GPR61: variants seen among roughly 807,000 people sequenced by gnomAD.
GPR61 encodes G-protein coupled receptor 61.
In GPR61, 15 loss-of-function variants were observed where a neutral mutation model predicts 29.2. The ratio of observed to expected loss-of-function variants is 0.51; its 90% confidence interval spans 0.34 to 0.79. The LOEUF is 0.79. Among genes scored for constraint, GPR61 ranks in the 30% least tolerant of loss-of-function variants. GPR61 has a pLI of 0.01. For synonymous variants in GPR61, 238 were observed against 242.3 expected (o/e 0.98, Z 0.17); for missense variants, 399 against 582.5 (o/e 0.69, Z 3.24).
rs1647740928 is a variant in GPR61 at position 109,544,488 on chromosome 1, T to C, written c.*110T>C. ...TGGCTAGGGCTGAGGCTGGGGTCTCTGCACACAGCTTTTGCTTAGTGTTTC... is the reference window on the plus strand; with the variant it reads ...TGGCTAGGGCTGAGGCTGGGGTCTCCGCACACAGCTTTTGCTTAGTGTTTC... On this transcript the variant is annotated 3_prime_UTR_variant, in exon 2 of 2. Coordinates refer to ENST00000527748, the MANE Select transcript of GPR61 (RefSeq NM_001393907.1). The surrounding 1 kb of genome is among the most constrained non-coding windows in gnomAD (Gnocchi z 4.6). 4 of 756,186 alleles carry C rather than the reference T, an allele frequency of 5.3e-6. No homozygotes were observed. Among genetic ancestry groups the C allele is most frequent in the South Asian group, 1.8e-5 (1 of 55,552 alleles). The allele number at this position is 756,186 out of a possible 1,614,324, so 46.8% of individuals were successfully genotyped here.
chr1:109,540,635 T>G (rs897124543), intron 1 of GPR61, among the ~76,000 whole-genome samples: 8 of 151,632 alleles, frequency 5.3e-5, no homozygotes, highest in African/African-American at 1.9e-4. Flanking sequence ...GTTGGGGGAG[T>G]AGGCATAATG....
rs1305887711 is a variant in GPR61 at position 109,543,976 on chromosome 1, A to G, written c.954A>G (p.Ser318=). The G allele has an allele frequency of 6.2e-7, 1 of 1,613,954 alleles. No homozygotes were observed. Among genetic ancestry groups the G allele is most frequent in the Non-Finnish European group, 8.5e-7 (1 of 1,180,014 alleles). The part of the protein sequence containing the change: ...LYVALSAQPI[S]TGQVESVVTW... ...TTGCCCTGAGTGCTCAGCCCATTTC[A>G]ACTGGGCAGGTGGAGAGTGTGGTCA... is the stretch of plus-strand genomic sequence containing the variant. The change falls in exon 2 of 2, where the codon TCA becomes TCG. Residue 318 remains serine (S), a synonymous_variant. Coordinates refer to ENST00000527748, the MANE Select transcript of GPR61 (RefSeq NM_001393907.1). This position sits in a 1 kb window ranked among gnomAD's most constrained non-coding sequence, Gnocchi z 6.8.
chr1:109,543,443 T>C lies in GPR61; in HGVS notation c.421T>C (p.Tyr141His). The change falls in exon 2 of 2, where the codon TAC becomes CAC. Residue 141 changes from tyrosine (Y) to histidine (H), a missense_variant. This residue lies in a region of GPR61 where 320 missense variants were observed against 459.8 expected (regional missense o/e 0.70). Coordinates refer to ENST00000527748, the MANE Select transcript of GPR61 (RefSeq NM_001393907.1). The surrounding 1 kb of genome is among the most constrained non-coding windows in gnomAD (Gnocchi z 6.8). The stretch of plus-strand genomic sequence containing the variant: ...GGTGTCAGCCATCAATGTGGAGCGC[T>C]ACTATTACGTAGTCCACCCCATGCG... ...LSVSAINVER[Y>H]YYVVHPMRYE... The C allele has an allele frequency of 6.2e-7, 1 of 1,613,088 alleles. No individual in the cohort carries two copies. The highest frequency in any genetic ancestry group is 8.5e-7 in the Non-Finnish European group (1 of 1,179,966).
chr1:109,540,143 A>G (rs1190941038), intron 1 of GPR61, 190 bp downstream of exon 1: 5 of 152,248 alleles, frequency 3.3e-5, no homozygotes, highest in African/African-American at 1.2e-4. Flanking sequence ...TCTGAAGCCC[A>G]GAGCTGGGGG....
Position 109,543,160 on chromosome 1 carries a change from C to T in GPR61, c.138C>T (p.Leu46=). 1 of 1,611,878 alleles carries T rather than the reference C, an allele frequency of 6.2e-7. No homozygotes were observed. The highest frequency in any genetic ancestry group is 8.5e-7 in the Non-Finnish European group (1 of 1,178,586). ...ATGTTGCTTCGGAATCTGTGGCCCT[C>T]TTCTTCATGCTCCTGCTGGACTTGA... The part of the protein sequence containing the change: ...LRDVASESVA[L]FFMLLLDLTA... Residue 46 remains leucine (L), a synonymous_variant, in exon 2 of 2, where the codon CTC becomes CTT. Transcript: ENST00000527748. This position sits in a 1 kb window ranked among gnomAD's most constrained non-coding sequence, Gnocchi z 6.8.
chr1:109,540,753 G>A (rs1230559918), intron 1 of GPR61, among the ~76,000 whole-genome samples: 1 of 152,188 alleles, frequency 6.6e-6, no homozygotes, highest in Admixed American at 6.5e-5. Context: ...GTGCCCATTA[G>A]CCAGATACAC....
At chr1:109,541,232 C>G (rs1421382581) in intron 1 of GPR61, among the ~76,000 whole-genome samples, 1 of 152,132 alleles carries the variant, frequency 6.6e-6, no homozygotes, top group Non-Finnish European at 1.5e-5. Flanking sequence ...TTCTGTGTCC[C>G]TAGAGAGAGG....
Position 109,543,137 on chromosome 1 carries a change from G to A in GPR61, c.115G>A (p.Val39Ile), listed in dbSNP as rs1647686528. Residue 39 changes from valine (V) to isoleucine (I), a missense_variant, in exon 2 of 2, where the codon GTT becomes ATT. Around this residue, in one of 3 missense-constraint regions of GPR61, gnomAD observed 78 missense variants for 101.0 expected, o/e 0.77. Coordinates refer to ENST00000527748, the MANE Select transcript of GPR61 (RefSeq NM_001393907.1). This position sits in a 1 kb window ranked among gnomAD's most constrained non-coding sequence, Gnocchi z 6.8. ...SGVPEVGLRD[V>I]ASESVALFFM... ...GGTCCCGGAGGTGGGGCTACGGGATGTTGCTTCGGAATCTGTGGCCCTCTT... is the reference window on the plus strand; with the variant it reads ...GGTCCCGGAGGTGGGGCTACGGGATATTGCTTCGGAATCTGTGGCCCTCTT... 3 of 1,601,988 alleles carry A rather than the reference G, an allele frequency of 1.9e-6. No individual in the cohort carries two copies. In the African/African-American group the frequency reaches 4.0e-5, roughly 21 times the overall value.
chr1:109,543,353 G>A lies in GPR61; in HGVS notation c.331G>A (p.Gly111Arg), dbSNP rs1438404004. ...TGCCCTCTTTGACCACGCCCTCTTT[G>A]GGGAGGTGGCCTGCCGCCTCTACTT... is the stretch of plus-strand genomic sequence containing the variant. ...SSALFDHALFGEVACRLYLFL... is the reference protein window; with the variant it reads ...SSALFDHALFREVACRLYLFL... Residue 111 changes from glycine (G) to arginine (R), a missense_variant, in exon 2 of 2, where the codon GGG becomes AGG. Physicochemically the swap from Gly to Arg is moderately radical, Grantham distance 125. This residue lies in a region of GPR61 where 320 missense variants were observed against 459.8 expected (regional missense o/e 0.70). Transcript: ENST00000527748. The surrounding 1 kb of genome is among the most constrained non-coding windows in gnomAD (Gnocchi z 6.8). The A allele has an allele frequency of 6.2e-7, 1 of 1,613,130 alleles. No individual in the cohort carries two copies. Among genetic ancestry groups the A allele is most frequent in the Non-Finnish European group, 8.5e-7 (1 of 1,179,960 alleles).
chr1:109,543,883 G>C lies in GPR61; in HGVS notation c.861G>C (p.Val287=). Reference sequence around the variant, plus strand: ...CGTTTGGGGGAGGGAAAGCAGCAGTGGTTCTCCTGGCTGTGGGGGGACAGT... The same window carrying C: ...CGTTTGGGGGAGGGAAAGCAGCAGTCGTTCTCCTGGCTGTGGGGGGACAGT... ...HRTFGGGKAA[V]VLLAVGGQFL... Residue 287 remains valine (V), a synonymous_variant, in exon 2 of 2, where the codon GTG becomes GTC. Coordinates refer to ENST00000527748, the MANE Select transcript of GPR61 (RefSeq NM_001393907.1). This position sits in a 1 kb window ranked among gnomAD's most constrained non-coding sequence, Gnocchi z 6.8. The C allele has an allele frequency of 6.2e-7, 1 of 1,613,544 alleles. No homozygotes were observed. Among genetic ancestry groups the C allele is most frequent in the South Asian group, 1.1e-5 (1 of 91,088 alleles).
chr1:109,541,976 T>C (rs578036704), intron 1 of GPR61, among the ~76,000 whole-genome samples: 35 of 152,328 alleles, frequency 2.3e-4, no homozygotes, highest in African/African-American at 7.9e-4. Flanking sequence ...CCTTTTCAGA[T>C]GATAACCCTA....
In GPR61 at chr1:109,546,724, G is replaced by A. The variant is rs1344926071; in HGVS notation, c.*2346G>A. ...GTTCATTTGCCATTTATTTTTCCCTGTAGGAGTGGATCATGAAGGAAATAA... is the reference window on the plus strand; with the variant it reads ...GTTCATTTGCCATTTATTTTTCCCTATAGGAGTGGATCATGAAGGAAATAA... On this transcript the variant is annotated 3_prime_UTR_variant, in exon 2 of 2. Transcript: ENST00000527748. 1 of 152,136 alleles carries A rather than the reference G, an allele frequency of 6.6e-6. No homozygotes were observed. Among genetic ancestry groups the A allele is most frequent in the Non-Finnish European group, 1.5e-5 (1 of 68,018 alleles). 9.4% of individuals were successfully genotyped at this position (152,136 alleles called of 1,614,324 possible). A position where few individuals can be genotyped will look rare whatever the true frequency, so the allele number is the denominator to read the frequency against.
Position 109,543,120 on chromosome 1 carries a change from A to G in GPR61, c.98A>G (p.Glu33Gly). The change falls in exon 2 of 2, where the codon GAG (glutamate) becomes GGG (glycine). Residue 33 changes from glutamate to glycine, a missense_variant. By Grantham distance (98) the Glu-to-Gly change is moderately conservative (BLOSUM62 -2). Transcript: ENST00000527748. The surrounding 1 kb of genome is among the most constrained non-coding windows in gnomAD (Gnocchi z 6.8). ...CCCTCTACTGCCAGTGGGGTCCCGG[A>G]GGTGGGGCTACGGGATGTTGCTTCG... ...PGPSTASGVP[E>G]VGLRDVASES... 6.3e-7 allele frequency: 1 copy of G among 1,587,534 alleles called. No individual in the cohort carries two copies.
chr1:109,542,827 G>A lies in GPR61; in HGVS notation c.-196G>A, dbSNP rs1326252098. The A allele has an allele frequency of 1.3e-6, 1 of 773,346 alleles. No individual in the cohort carries two copies. 47.9% of individuals were successfully genotyped at this position (773,346 alleles called of 1,614,324 possible). On this transcript the variant is annotated 5_prime_UTR_variant, in exon 2 of 2. Coordinates refer to ENST00000527748, the MANE Select transcript of GPR61 (RefSeq NM_001393907.1). ...CCCTGCAGCTACCTCCGGCCAGAAA[G>A]GGGATGAGCTTCTGATCCTTCAGCT... is the stretch of plus-strand genomic sequence containing the variant.
At position 109,546,602 on chromosome 1, in the gene GPR61, G is replaced by C. The variant is rs1407512549; in HGVS notation, c.*2224G>C. On this transcript the variant is annotated 3_prime_UTR_variant, in exon 2 of 2. Coordinates refer to ENST00000527748, the MANE Select transcript of GPR61 (RefSeq NM_001393907.1). ...CAGCCCTTCCTTCACATACATCAAA[G>C]AAGAAAGTTTTAAGAGCAAGGGTAT... 2.6e-5 allele frequency: 4 copies of C among 152,174 alleles called. No homozygotes were observed. Among genetic ancestry groups the C allele is most frequent in the African/African-American group, 9.7e-5 (4 of 41,438 alleles). The allele number at this position is 152,174 out of a possible 1,614,324, so 9.4% of individuals were successfully genotyped here.
At position 109,544,568 on chromosome 1, in the gene GPR61, C is replaced by T; in HGVS notation, c.*190C>T. 1.8e-6 allele frequency: 1 copy of T among 568,212 alleles called. No individual in the cohort carries two copies. The highest frequency in any genetic ancestry group is 3.2e-5 in the Admixed American group (1 of 31,190). 35.2% of individuals were successfully genotyped at this position (568,212 alleles called of 1,614,324 possible). A position where few individuals can be genotyped will look rare whatever the true frequency, so the allele number is the denominator to read the frequency against. ...ACGTGTGCAAAAGCCTTGGACTTGG[C>T]TGTGATCTTTGACTGCTAGGGGAGG... On this transcript the variant is annotated 3_prime_UTR_variant, in exon 2 of 2. Coordinates refer to ENST00000527748, the MANE Select transcript of GPR61 (RefSeq NM_001393907.1). The surrounding 1 kb of genome is among the most constrained non-coding windows in gnomAD (Gnocchi z 4.6).
chr1:109,543,955 C>A lies in GPR61; in HGVS notation c.933C>A (p.Ala311=), dbSNP rs755473327. 1.9e-6 allele frequency: 3 copies of A among 1,614,078 alleles called. No homozygotes were observed. In the African/African-American group the frequency reaches 4.0e-5, roughly 22 times the overall value. ...LPYFSFHLYV[A]LSAQPISTGQ... Reference sequence around the variant, plus strand: ...ACTTCTCTTTCCACCTCTATGTTGCCCTGAGTGCTCAGCCCATTTCAACTG... The same window carrying A: ...ACTTCTCTTTCCACCTCTATGTTGCACTGAGTGCTCAGCCCATTTCAACTG... The change falls in exon 2 of 2, where the codon GCC becomes GCA. Residue 311 remains alanine, a synonymous_variant. Coordinates refer to ENST00000527748, the MANE Select transcript of GPR61 (RefSeq NM_001393907.1). The surrounding 1 kb of genome is among the most constrained non-coding windows in gnomAD (Gnocchi z 6.8).
intron 1 of GPR61, among the ~76,000 whole-genome samples, chr1:109,541,935 G>A (rs1356167881): frequency 6.6e-6 from 1 of 152,256 alleles, no homozygotes; most frequent in African/African-American, 2.4e-5. Flanking sequence ...GCTGGGAGTA[G>A]TGATGTCAAA....
chr1:109,542,869 T>C lies in GPR61; in HGVS notation c.-154T>C, dbSNP rs1463142113. 1.9e-6 allele frequency: 2 copies of C among 1,042,690 alleles called. No homozygotes were observed. The highest frequency in any genetic ancestry group is 2.0e-4 in the Middle Eastern group (1 of 5,024). The allele number at this position is 1,042,690 out of a possible 1,614,324, so 64.6% of individuals were successfully genotyped here. A position where few individuals can be genotyped will look rare whatever the true frequency, so the allele number is the denominator to read the frequency against. The stretch of plus-strand genomic sequence containing the variant: ...CCTTCAGCTGCCTGGCCTGGCGCTC[T>C]GTACGCAGACAAACCTGCCCAAGAG... On this transcript the variant is annotated 5_prime_UTR_variant, in exon 2 of 2. Transcript: ENST00000527748.
Sources: gnomAD v4.1 joint callset for allele counts (sites outside exome capture counted in the v4.1 genomes callset) on GRCh38, gnomAD v4.1.1 for gene constraint, gnomAD v4.1.1 regional missense constraint, Gnocchi (gnomAD v3.1) non-coding constraint, MANE v1.5 for transcripts, NCBI Gene and HGNC (gene_info 2026-07-23, HGNC 2026-07-21) for gene names.